Variants in ZDHHC11B observed in about 807,000 individuals in gnomAD.
ZDHHC11B encodes the protein zDHHC palmitoyltransferase 11B (putative), also known as probable palmitoyltransferase ZDHHC11B.
In ZDHHC11B, 17 loss-of-function variants were observed where a neutral mutation model predicts 42.3. The observed-to-expected ratio is 0.40, with a 90% CI of 0.27 to 0.60. The LOEUF (loss-of-function observed/expected upper bound fraction) is 0.60, where lower values mean the gene tolerates loss of function less well. Among genes scored for constraint, ZDHHC11B ranks in the 20% least tolerant of loss-of-function variants. The probability of loss-of-function intolerance (pLI) is 0.41; values close to 1 mark genes in which losing one functional copy is unlikely to be tolerated. For missense variants in ZDHHC11B, 262 were observed against 463.2 expected (o/e 0.57, Z 3.99); for synonymous variants, 123 against 193.5 (o/e 0.64, Z 3.02).
intron 1 of ZDHHC11B, among the ~76,000 whole-genome samples, chr5:772,469 G>A (rs1424121752): frequency 6.6e-6 from 1 of 151,976 alleles, no homozygotes; most frequent in Non-Finnish European, 1.5e-5. Context: ...CACGTCCACT[G>A]TCCCACTCAG....
chr5:724,529 C>T (rs1330902762), intron 12 of ZDHHC11B, among the ~76,000 whole-genome samples: 1 of 145,274 alleles, frequency 6.9e-6, no homozygotes, highest in Non-Finnish European at 1.5e-5. Flanking sequence ...GTGCCTGCCA[C>T]TACGCCTGGC....
At chr5:721,201 G>A (rs1742157341) in intron 12 of ZDHHC11B, among the ~76,000 whole-genome samples, 2 of 151,002 alleles carry the variant, frequency 1.3e-5, no homozygotes, top group South Asian at 4.2e-4. Flanking sequence ...ATTAGAAAAT[G>A]TACAAAAAAG....
rs898110412 is a variant in ZDHHC11B, at chr5:744,731, C to T, written c.900+452G>A. 8.1e-5 allele frequency among the ~76,000 whole-genome samples: 12 copies of T among 147,970 alleles called. 1 individual carries two copies. Among genetic ancestry groups the T allele is most frequent in the African/African-American group, 2.2e-4 (9 of 40,070 alleles). On this transcript the variant is annotated intron_variant, in intron 9 of 13. Transcript: ENST00000508859. ...ACTAAAAATACAAAAATTAGTGGGG[C>T]GTAGTGGCATACATCTGCGATCCCA...
chr5:783,025 C>T (rs1296685778), intron 1 of ZDHHC11B, among the ~76,000 whole-genome samples: 1 of 151,788 alleles, frequency 6.6e-6, no homozygotes, highest in Non-Finnish European at 1.5e-5. Context: ...AAGATTAAAA[C>T]GCAGCCAGTG....
chr5:765,367 G>A (rs868358422), intron 4 of ZDHHC11B, among the ~76,000 whole-genome samples: 3 of 151,736 alleles, frequency 2.0e-5, no homozygotes, highest in Non-Finnish European at 4.4e-5. Context: ...TCAGCACTCT[G>A]TGTCTAGCTC....
At chr5:736,647 A>G (rs1471284979) in intron 10 of ZDHHC11B, among the ~76,000 whole-genome samples, 3 of 139,146 alleles carry the variant, frequency 2.2e-5, no homozygotes, top group Non-Finnish European at 3.1e-5. Flanking sequence ...GAATAAATTG[A>G]TAATTAACTC....
chr5:733,767 C>G lies in ZDHHC11B; in HGVS notation c.1008G>C (p.Gly336=). Residue 336 remains glycine, a synonymous_variant, in exon 11 of 14, where the codon GGG becomes GGC. Coordinates refer to ENST00000508859, the MANE Select transcript of ZDHHC11B (RefSeq NM_001351303.2). ...CHFCTSVNQD[G]DSKAQEADDA... The stretch of plus-strand genomic sequence containing the variant: ...TGCAACTTACCTGTGCCTTCGAATC[C>G]CCGTCCTGGTTTACTGAAGTGCAGA... The G allele has an allele frequency of 6.2e-7, 1 of 1,611,322 alleles. No individual in the cohort carries two copies.
At chr5:744,313 T>G (rs6897605) in intron 9 of ZDHHC11B, among the ~76,000 whole-genome samples, 6 of 148,614 alleles carry the variant, frequency 4.0e-5, no homozygotes, top group African/African-American at 1.5e-4. Flanking sequence ...GATAGTGGCA[T>G]TGCTGAATGA....
intron 11 of ZDHHC11B, chr5:732,700 T>C: frequency 4.6e-6 from 2 of 433,534 alleles, no homozygotes; most frequent in Admixed American, 5.2e-5. Flanking sequence ...ACCTGTAACC[T>C]CCAGAAACTG....
intron 13 of ZDHHC11B, among the ~76,000 whole-genome samples, chr5:712,920 G>A (rs1291776025): frequency 8.2e-6 from 1 of 121,802 alleles, no homozygotes; most frequent in Non-Finnish European, 1.7e-5. Flanking sequence ...ATACATATGT[G>A]TGTGTGTGTA....
intron 6 of ZDHHC11B, among the ~76,000 whole-genome samples, chr5:754,269 A>T (rs1301793651): frequency 4.1e-5 from 3 of 73,360 alleles, no homozygotes; most frequent in South Asian, 5.7e-4. Context: ...CCTCTCGTCT[A>T]TGAGCCTCCA....
intron 12 of ZDHHC11B, among the ~76,000 whole-genome samples, chr5:719,715 G>A (rs1442694733): frequency 1.3e-5 from 2 of 151,512 alleles, no homozygotes; most frequent in East Asian, 1.9e-4. Flanking sequence ...CAACATAGGA[G>A]TCTCCAAAGT....
At chr5:727,828 G>T (rs1742705516) in intron 12 of ZDHHC11B, among the ~76,000 whole-genome samples, 2 of 150,946 alleles carry the variant, frequency 1.3e-5, no homozygotes, top group African/African-American at 4.9e-5. Flanking sequence ...AGTCAAAACA[G>T]AAAAATTATA....
In ZDHHC11B at chr5:711,528, T is replaced by C. The variant is rs1343517171; in HGVS notation, c.*762A>G. The C allele has an allele frequency of 6.6e-6, 1 of 151,796 alleles. No homozygotes were observed. Among genetic ancestry groups the C allele is most frequent in the African/African-American group, 2.5e-5 (1 of 39,546 alleles). 9.4% of individuals were successfully genotyped at this position (151,796 alleles called of 1,614,324 possible). A position where few individuals can be genotyped will look rare whatever the true frequency, so the allele number is the denominator to read the frequency against. ...ACTGTGCTCATATTTCCCAGTACTGTGCTCCCATTTCCCAAAACTGTGCTC... is the reference window on the plus strand; with the variant it reads ...ACTGTGCTCATATTTCCCAGTACTGCGCTCCCATTTCCCAAAACTGTGCTC... On this transcript the variant is annotated 3_prime_UTR_variant, in exon 14 of 14. Coordinates refer to ENST00000508859, the MANE Select transcript of ZDHHC11B (RefSeq NM_001351303.2).
chr5:742,343 T>G (rs2127044677), intron 9 of ZDHHC11B, among the ~76,000 whole-genome samples: 1 of 147,034 alleles, frequency 6.8e-6, no homozygotes, highest in East Asian at 2.1e-4. Flanking sequence ...GTTTGTTGTT[T>G]TTTTACAATT....
chr5:742,003 G>A lies in ZDHHC11B; in HGVS notation c.901-375C>T, dbSNP rs577768995. 8.1e-5 allele frequency among the ~76,000 whole-genome samples: 11 copies of A among 135,196 alleles called. No homozygotes were observed. The South Asian group carries it at 3.2e-3, about 39-fold the overall frequency. 88.7% of individuals were successfully genotyped at this position (135,196 alleles called of 152,430 possible). ...TGACAGGCATTCTCCTGGGTGTGTGGTAGTATCTGATTGTGGTTTTTATTT... is the reference window on the plus strand; with the variant it reads ...TGACAGGCATTCTCCTGGGTGTGTGATAGTATCTGATTGTGGTTTTTATTT... On this transcript the variant is annotated intron_variant, in intron 9 of 13. Transcript: ENST00000508859.
chr5:750,251 C>A (rs143549039), intron 7 of ZDHHC11B, among the ~76,000 whole-genome samples: 12,153 of 114,082 alleles, frequency 0.11, 800 homozygotes, highest in African/African-American at 0.33. Context: ...GGCAGCTTCT[C>A]CAGCAGACTC....
intron 11 of ZDHHC11B, 25 bp from the exon 12 acceptor site, chr5:730,493 T>C (rs1202386554): frequency 6.4e-7 from 1 of 1,551,184 alleles, no homozygotes; most frequent in Admixed American, 2.3e-5. Context: ...GAAGCAAAAT[T>C]CTTAGGATGA....
chr5:715,585 A>C lies in ZDHHC11B; in HGVS notation c.*7+1216T>G, dbSNP rs1442765661. Among the ~76,000 whole-genome samples, 3 of 151,584 alleles carry C rather than the reference A, an allele frequency of 2.0e-5. No homozygotes were observed. The East Asian group carries it at 5.8e-4, about 29-fold the overall frequency. ...TCTCATTCATCTCCCCTTCAATCTC[A>C]GTGGATTTGTCTTCTCATCTCAACT... On this transcript the variant is annotated intron_variant, in intron 13 of 13. Transcript: ENST00000508859.
Sources: gnomAD v4.1 joint callset for allele counts (sites outside exome capture counted in the v4.1 genomes callset) on GRCh38, gnomAD v4.1.1 for gene constraint, MANE v1.5 for transcripts, NCBI Gene and HGNC (gene_info 2026-07-23, HGNC 2026-07-21) for gene names.